KAZN: variants seen among roughly 807,000 people sequenced by gnomAD.
The protein encoded by KAZN is kazrin.
In KAZN, 40 loss-of-function variants were observed where a neutral mutation model predicts 87.4. The observed-to-expected ratio is 0.46, with a 90% CI of 0.36 to 0.60. The LOEUF (loss-of-function observed/expected upper bound fraction) is 0.60, where lower values mean the gene tolerates loss of function less well. KAZN is among the 20% of genes least tolerant of loss of function. The pLI is 0.00. For missense variants in KAZN, 898 were observed against 1,073.9 expected (o/e 0.84, Z 2.29); for synonymous variants, 466 against 458.3 (o/e 1.02, Z -0.22).
At chr1:14,340,205 AC>A (rs1164404426) in intron 2 of KAZN, among the ~76,000 whole-genome samples, 3 of 152,220 alleles carry the variant, frequency 2.0e-5, no homozygotes, top group African/African-American at 7.2e-5. Flanking sequence ...ATTGGAAGCT[AC>A]TTCTTATTTA....
chr1:15,108,746 C>G (rs889144938), intron 13 of KAZN, among the ~76,000 whole-genome samples: 1 of 152,168 alleles, frequency 6.6e-6, no homozygotes. Flanking sequence ...CTATTTAGTG[C>G]CCAGGGTTCT....
intron 1 of KAZN, among the ~76,000 whole-genome samples, chr1:14,164,454 TTGTGTGTG>T (rs59816103): frequency 6.9e-6 from 1 of 144,732 alleles, no homozygotes; most frequent in East Asian, 2.0e-4. Flanking sequence ...CACTATGGCT[TTGTGTGTG>T]TGTGTGTGTG....
chr1:14,486,788 C>T lies in KAZN; in HGVS notation c.250-112195C>T, dbSNP rs374485860. Among the ~76,000 whole-genome samples, 27 of 152,280 alleles carry T rather than the reference C, an allele frequency of 1.8e-4. No homozygotes were observed. In the South Asian group the frequency reaches 4.3e-3, roughly 25 times the overall value. ...TCCATGGTGAATTTCACAGACTAGG[C>T]GGGCTGGATTCCAAAGTACTGACCA... is the stretch of plus-strand genomic sequence containing the variant. On this transcript the variant is annotated intron_variant, in intron 2 of 16. Coordinates refer to the KAZN transcript ENST00000636203.
intron 1 of KAZN, among the ~76,000 whole-genome samples, chr1:14,029,791 G>A (rs189483727): frequency 2.1e-3 from 318 of 151,996 alleles, no homozygotes; most frequent in African/African-American, 7.3e-3. Context: ...TTGTAGATAT[G>A]TGGCGTTATT....
intron 1 of KAZN, among the ~76,000 whole-genome samples, chr1:14,175,956 G>A (rs751712027): frequency 6.6e-6 from 1 of 152,190 alleles, no homozygotes; most frequent in Non-Finnish European, 1.5e-5. Flanking sequence ...TCATGGCTCA[G>A]CATGTCCTAA....
intron 2 of KAZN, among the ~76,000 whole-genome samples, chr1:14,477,496 G>A (rs1393343605): frequency 6.7e-6 from 1 of 149,424 alleles, no homozygotes; most frequent in Non-Finnish European, 1.5e-5. Context: ...TCTTAAATGT[G>A]CTTTTCATCA....
At chr1:14,486,382 T>G (rs1397071994) in intron 2 of KAZN, among the ~76,000 whole-genome samples, 1 of 152,172 alleles carries the variant, frequency 6.6e-6, no homozygotes, top group African/African-American at 2.4e-5. Flanking sequence ...GTGGGATGCT[T>G]AAGTCCTCAC....
At chr1:14,511,409 T>A (rs1162022718) in intron 2 of KAZN, among the ~76,000 whole-genome samples, 3 of 152,120 alleles carry the variant, frequency 2.0e-5, no homozygotes, top group East Asian at 3.9e-4. Context: ...GAGTAGAAAC[T>A]AGTAAAAGAG....
intron 1 of KAZN, among the ~76,000 whole-genome samples, chr1:13,908,936 G>A (rs1040089650): frequency 9.2e-5 from 14 of 152,158 alleles, no homozygotes; most frequent in African/African-American, 3.1e-4. Flanking sequence ...GAGTAAGTAC[G>A]AGGCTACTCC....
intron 1 of KAZN, among the ~76,000 whole-genome samples, chr1:14,774,476 T>C (rs1572448694): frequency 6.6e-6 from 1 of 150,818 alleles, no homozygotes; most frequent in East Asian, 2.0e-4. Flanking sequence ...AGATTTTTTT[T>C]TTTTTTTTTT....
At chr1:15,108,846 G>C (rs555317741) in intron 13 of KAZN, among the ~76,000 whole-genome samples, 1 of 152,218 alleles carries the variant, frequency 6.6e-6, no homozygotes, top group South Asian at 2.1e-4. Flanking sequence ...CCATTTCCTC[G>C]AGGTCTAAGT....
intron 1 of KAZN, among the ~76,000 whole-genome samples, chr1:14,626,494 A>G (rs1417708324): frequency 6.6e-6 from 1 of 152,182 alleles, no homozygotes; most frequent in Admixed American, 6.5e-5. Context: ...GTCCAGGTCA[A>G]GTGCCTTGCC....
intron 1 of KAZN, among the ~76,000 whole-genome samples, chr1:14,068,916 A>G (rs1643127394): frequency 6.6e-6 from 1 of 151,016 alleles, no homozygotes; most frequent in Non-Finnish European, 1.5e-5. Flanking sequence ...CTCCTGCTTC[A>G]GCCTCCTGAG....
chr1:14,893,651 T>G (rs1239835037), intron 1 of KAZN, among the ~76,000 whole-genome samples: 1 of 152,186 alleles, frequency 6.6e-6, no homozygotes, highest in South Asian at 2.1e-4. Flanking sequence ...CTGACCATAT[T>G]GTGTCTGGAG....
chr1:14,746,233 T>TAAGGA (rs2100461806), intron 1 of KAZN, among the ~76,000 whole-genome samples: 1 of 152,278 alleles, frequency 6.6e-6, no homozygotes, highest in Admixed American at 6.5e-5. Context: ...TGGTGTTCTC[T>TAAGGA]TGATTCCCCT....
chr1:15,055,310 C>G (rs1473256184), intron 4 of KAZN, among the ~76,000 whole-genome samples: 3 of 152,158 alleles, frequency 2.0e-5, no homozygotes, highest in Admixed American at 2.0e-4. Flanking sequence ...AACCCCATCT[C>G]TACTAAAAAT....
At chr1:14,332,386 G>A (rs1656915537) in intron 2 of KAZN, among the ~76,000 whole-genome samples, 1 of 152,072 alleles carries the variant, frequency 6.6e-6, no homozygotes, top group Non-Finnish European at 1.5e-5. Flanking sequence ...TCCACCTTTG[G>A]GGATAATGCT....
intron 1 of KAZN, among the ~76,000 whole-genome samples, chr1:14,128,971 G>A (rs530284234): frequency 4.6e-5 from 7 of 152,250 alleles, no homozygotes; most frequent in African/African-American, 1.7e-4. Context: ...CATCTTTAAG[G>A]GAATTTTAAC....
At chr1:13,931,681 A>G (rs68046523) in intron 1 of KAZN, among the ~76,000 whole-genome samples, 8 of 38,038 alleles carry the variant, frequency 2.1e-4, no homozygotes, top group East Asian at 7.4e-4. Flanking sequence ...AATGATTGTC[A>G]TGTGTGTGTG....
Sources: gnomAD v4.1 joint callset for allele counts (sites outside exome capture counted in the v4.1 genomes callset) on GRCh38, gnomAD v4.1.1 for gene constraint, MANE v1.5 for transcripts, NCBI Gene and HGNC (gene_info 2026-07-23, HGNC 2026-07-21) for gene names.